Variants in NAALADL2 observed in about 807,000 individuals in gnomAD.
NAALADL2 encodes inactive N-acetylated-alpha-linked acidic dipeptidase-like protein 2.
In NAALADL2, 76 loss-of-function variants were observed where a neutral mutation model predicts 87.2. The ratio of observed to expected loss-of-function variants is 0.87; its 90% confidence interval spans 0.72 to 1.05. The LOEUF is 1.05. NAALADL2 is among the 50% of genes least tolerant of loss of function. The pLI, the probability that NAALADL2 is intolerant of heterozygous loss-of-function variation, is 0.00. For missense variants in NAALADL2, 1,089 were observed against 945.8 expected, an observed-to-expected ratio of 1.15 and a Z score of -1.99; for synonymous variants, 354 against 331.0, an observed-to-expected ratio of 1.07 and a Z score of -0.75.
Position 175,099,706 on chromosome 3 carries a change from C to T in NAALADL2, c.545+2415C>T, listed in dbSNP as rs114208864. On this transcript the variant is annotated intron_variant, in intron 2 of 13. Transcript: ENST00000454872. Reference sequence around the variant, plus strand: ...TTGCTGTATCTCTTTTCTATTGGTTCTCTTTTCCTGGACATGCTCTAAACC... The same window carrying T: ...TTGCTGTATCTCTTTTCTATTGGTTTTCTTTTCCTGGACATGCTCTAAACC... Among the ~76,000 whole-genome samples the T allele has an allele frequency of 1.1e-3, 171 of 152,208 alleles. 1 individual carries two copies. Among genetic ancestry groups the T allele is most frequent in the African/African-American group, 4.1e-3 (171 of 41,536 alleles).
At chr3:175,589,943 T>C (rs1721141778) in intron 10 of NAALADL2, among the ~76,000 whole-genome samples, 1 of 152,112 alleles carries the variant, frequency 6.6e-6, no homozygotes, top group Non-Finnish European at 1.5e-5. Context: ...CCGGGTGTGG[T>C]GGTTCACGCC....
chr3:174,819,835 G>T (rs188514900), intron 3 of NAALADL2, among the ~76,000 whole-genome samples: 45 of 152,278 alleles, frequency 3.0e-4, no homozygotes, highest in African/African-American at 1.0e-3. Context: ...TCGTGTTCAT[G>T]AGCCATTTTC....
At chr3:174,833,057 A>G (rs1722914899) in intron 3 of NAALADL2, among the ~76,000 whole-genome samples, 1 of 152,110 alleles carries the variant, frequency 6.6e-6, no homozygotes, top group Non-Finnish European at 1.5e-5. Flanking sequence ...ACTTTCTTCC[A>G]TTCTCAGAAA....
intron 1 of NAALADL2, among the ~76,000 whole-genome samples, chr3:174,922,482 A>T (rs1321204023): frequency 1.3e-5 from 2 of 152,152 alleles, no homozygotes; most frequent in Non-Finnish European, 2.9e-5. Flanking sequence ...CAAGACCTGG[A>T]AATTAACTGT....
chr3:175,577,727 C>T (rs1026000185), intron 10 of NAALADL2, among the ~76,000 whole-genome samples: 17 of 152,054 alleles, frequency 1.1e-4, no homozygotes, highest in African/African-American at 4.1e-4. Context: ...AATAAATGAC[C>T]TTGTTGATAT....
At chr3:175,400,252 A>C (rs983493423) in intron 5 of NAALADL2, among the ~76,000 whole-genome samples, 2 of 152,122 alleles carry the variant, frequency 1.3e-5, no homozygotes, top group African/African-American at 4.8e-5. Flanking sequence ...TAAGTCACAG[A>C]GACAATGATT....
At chr3:175,209,599 C>T (rs563258220) in intron 2 of NAALADL2, among the ~76,000 whole-genome samples, 2 of 152,038 alleles carry the variant, frequency 1.3e-5, no homozygotes, top group East Asian at 3.9e-4. Context: ...CATGTCATTA[C>T]ATCACATGAT....
intron 2 of NAALADL2, among the ~76,000 whole-genome samples, chr3:174,649,148 G>C (rs1724103179): frequency 6.6e-6 from 1 of 151,848 alleles, no homozygotes; most frequent in Non-Finnish European, 1.5e-5. Flanking sequence ...ATTTTTAGTA[G>C]AGATGGGGTT....
chr3:175,238,252 G>A (rs909960693), intron 3 of NAALADL2, among the ~76,000 whole-genome samples: 1 of 151,964 alleles, frequency 6.6e-6, no homozygotes, highest in African/African-American at 2.4e-5. Flanking sequence ...ATTTGTAAGT[G>A]TATTAAAACT....
intron 1 of NAALADL2, among the ~76,000 whole-genome samples, chr3:174,922,993 G>A (rs1267132975): frequency 6.6e-6 from 1 of 152,094 alleles, no homozygotes; most frequent in African/African-American, 2.4e-5. Context: ...TCTTTGGGGA[G>A]ATACTTTGAG....
At chr3:174,913,959 AT>A (rs1223900529) in intron 1 of NAALADL2, among the ~76,000 whole-genome samples, 1 of 152,034 alleles carries the variant, frequency 6.6e-6, no homozygotes, top group African/African-American at 2.4e-5. Flanking sequence ...AAATTCTAGA[AT>A]TAGTTTTAAA....
intron 3 of NAALADL2, among the ~76,000 whole-genome samples, chr3:174,752,729 T>G (rs370997939): frequency 2.6e-5 from 4 of 152,196 alleles, no homozygotes; most frequent in East Asian, 1.9e-4. Flanking sequence ...TTGTTAATTT[T>G]TTATGGATAA....
At chr3:175,588,534 C>CTTTTCTTTTT (rs1720887287) in intron 10 of NAALADL2, among the ~76,000 whole-genome samples, 1 of 78,142 alleles carries the variant, frequency 1.3e-5, no homozygotes, top group African/African-American at 5.2e-5. Flanking sequence ...TCTTTCTTTT[C>CTTTTCTTTTT]TTTTTTTTTT....
rs1450576833 is a variant in NAALADL2, at chr3:175,667,229, AAGAAAGAAAGAAAAAG to A, written c.1896+39845_1896+39860del. 9.4e-5 allele frequency among the ~76,000 whole-genome samples: 11 copies of A among 117,152 alleles called. No homozygotes were observed. The East Asian group carries it at 2.1e-3, about 22-fold the overall frequency. 76.9% of individuals were successfully genotyped at this position (117,152 alleles called of 152,430 possible). On this transcript the variant is annotated intron_variant, in intron 11 of 13. Transcript: ENST00000454872. ...AAAGAAAGAAAGAAAGAAAGAAAGA[AAGAAAGAAAGAAAAAG>A]AAAGAAAGAAAGAAAGAAAGGAAGG...
At chr3:175,434,669 T>C (rs1718326462) in intron 5 of NAALADL2, among the ~76,000 whole-genome samples, 1 of 152,082 alleles carries the variant, frequency 6.6e-6, no homozygotes, top group African/African-American at 2.4e-5. Flanking sequence ...ATTCATAGTT[T>C]ATTTGCTATC....
intron 3 of NAALADL2, among the ~76,000 whole-genome samples, chr3:174,794,883 A>G (rs1218009026): frequency 6.6e-6 from 1 of 151,762 alleles, no homozygotes; most frequent in Non-Finnish European, 1.5e-5. Context: ...GAAAATTTGC[A>G]TCACGGAAAA....
intron 1 of NAALADL2, among the ~76,000 whole-genome samples, chr3:174,479,292 A>G (rs572711238): frequency 1.2e-3 from 187 of 152,268 alleles, no homozygotes; most frequent in African/African-American, 4.3e-3. Context: ...CATTTTGACA[A>G]TAATATTTAC....
At chr3:175,000,231 A>C (rs570965113) in intron 1 of NAALADL2, among the ~76,000 whole-genome samples, 1 of 152,324 alleles carries the variant, frequency 6.6e-6, no homozygotes, top group Admixed American at 6.5e-5. Context: ...TCACCTAAGA[A>C]AGACCGATCA....
chr3:175,106,884 A>G (rs563020813), intron 2 of NAALADL2, among the ~76,000 whole-genome samples: 2 of 148,522 alleles, frequency 1.3e-5, no homozygotes, highest in Non-Finnish European at 3.0e-5. Flanking sequence ...TTTAAATTAA[A>G]ATACATTTTA....
Sources: allele counts gnomAD v4.1 joint callset (sites outside exome capture counted in the v4.1 genomes callset), GRCh38; gene constraint gnomAD v4.1.1; transcripts MANE v1.5; gene names NCBI Gene and HGNC (gene_info 2026-07-23, HGNC 2026-07-21).